NRCAM: variants seen among roughly 807,000 people sequenced by gnomAD.
NRCAM encodes neuronal cell adhesion molecule, also known as NgCAM-related cell adhesion molecule.
A neutral mutation model predicts 156.5 loss-of-function variants in NRCAM; 83 were observed. The ratio of observed to expected loss-of-function variants is 0.53; its 90% CI spans 0.44 to 0.64. The LOEUF is 0.64. Ranked by LOEUF, NRCAM falls within the 30% of genes least tolerant of loss-of-function variation. The pLI is 0.00. For missense variants in NRCAM, 1,417 were observed against 1,597.3 expected (o/e 0.89, Z 1.92); for synonymous variants, 538 against 563.9 (o/e 0.95, Z 0.65).
At chr7:108,291,700 C>T (rs932854360) in intron 3 of NRCAM, among the ~76,000 whole-genome samples, 1 of 151,964 alleles carries the variant, frequency 6.6e-6, no homozygotes, top group South Asian at 2.1e-4. Flanking sequence ...GGAAGAGAGA[C>T]AGAGCGACAG....
chr7:108,368,224 A>ACCCCCTCCCCCCCCCCCCCCCC (rs2099604396), intron 2 of NRCAM, among the ~76,000 whole-genome samples: 1 of 91,058 alleles, frequency 1.1e-5, no homozygotes, highest in Non-Finnish European at 2.2e-5. Flanking sequence ...ACACTTTCAT[A>ACCCCCTCCCCCCCCCCCCCCCC]CCCCCCCCCA....
intron 2 of NRCAM, among the ~76,000 whole-genome samples, chr7:108,365,847 C>T (rs910631610): frequency 3.8e-4 from 58 of 152,066 alleles, no homozygotes; most frequent in African/African-American, 1.4e-3. Flanking sequence ...CCAAATTGTG[C>T]TTTTTATTAT....
intron 1 of NRCAM, among the ~76,000 whole-genome samples, chr7:108,446,726 CTA>C (rs1844641687): frequency 6.2e-5 from 8 of 129,408 alleles, no homozygotes; most frequent in Admixed American, 8.2e-5. Context: ...CATTTACAAC[CTA>C]TGTCTTTTTT....
intron 2 of NRCAM, among the ~76,000 whole-genome samples, chr7:108,319,898 C>T (rs928479684): frequency 1.4e-4 from 21 of 152,130 alleles, no homozygotes; most frequent in Non-Finnish European, 2.9e-4. Flanking sequence ...AGCCTTTTAT[C>T]CTAAGGGCAA....
chr7:108,251,178 C>T (rs576981913), intron 3 of NRCAM, among the ~76,000 whole-genome samples: 51 of 151,670 alleles, frequency 3.4e-4, no homozygotes, highest in African/African-American at 9.0e-4. Flanking sequence ...TTGTACCCTC[C>T]GGAAAGAAAT....
chr7:108,355,738 G>A (rs1226253262), intron 2 of NRCAM, among the ~76,000 whole-genome samples: 1 of 152,036 alleles, frequency 6.6e-6, no homozygotes, highest in Non-Finnish European at 1.5e-5. Flanking sequence ...ATCTATTCTT[G>A]ACATCCAACC....
chr7:108,414,806 C>T (rs1799504261), intron 1 of NRCAM, among the ~76,000 whole-genome samples: 1 of 152,122 alleles, frequency 6.6e-6, no homozygotes, highest in Admixed American at 6.5e-5. Context: ...GGGAAGACTG[C>T]AGGGAGTGTG....
At chr7:108,150,457 C>T (rs13230327) in intron 32 of NRCAM, among the ~76,000 whole-genome samples, 2 of 152,096 alleles carry the variant, frequency 1.3e-5, no homozygotes, top group Admixed American at 1.3e-4. Flanking sequence ...AGAAAGAATT[C>T]AGAAAAGTAG....
At chr7:108,230,725 C>CTT (rs35174617) in intron 8 of NRCAM, among the ~76,000 whole-genome samples, 23 of 147,828 alleles carry the variant, frequency 1.6e-4, no homozygotes, top group Non-Finnish European at 2.2e-4. Context: ...CAAAACTCTG[C>CTT]TTTTTTTTTT....
At chr7:108,267,413 G>A (rs776076935) in intron 3 of NRCAM, among the ~76,000 whole-genome samples, 6 of 152,172 alleles carry the variant, frequency 3.9e-5, no homozygotes, top group Non-Finnish European at 7.3e-5. Context: ...ACACACTTTC[G>A]GTCAGGGTTC....
rs1377553404 is a variant in NRCAM, at chr7:108,182,806, T to C, written c.2419A>G (p.Ile807Val). ...ACAAAGGTTGGCGTGCCTGAGACAA[T>C]ATATTTGGATACATTTGCCACAACC... ...SVVVANVSKY[I>V]VSGTPTFVPY... is the part of the protein sequence containing the mutation. The change falls in exon 23 of 33, where the codon ATT (isoleucine) becomes GTT (valine). Residue 807 changes from isoleucine to valine, a missense_variant. Around this residue, in one of 2 missense-constraint regions of NRCAM, gnomAD observed 1,238 missense variants for 1,336.4 expected, o/e 0.93. Coordinates refer to ENST00000379028, the MANE Select transcript of NRCAM (RefSeq NM_001037132.4). 6.2e-7 allele frequency: 1 copy of C among 1,614,226 alleles called. No individual in the cohort carries two copies. The highest frequency in any genetic ancestry group is 1.7e-5 in the Admixed American group (1 of 60,030).
chr7:108,451,776 G>A (rs1369070002), intron 1 of NRCAM, among the ~76,000 whole-genome samples: 1 of 152,120 alleles, frequency 6.6e-6, no homozygotes, highest in East Asian at 1.9e-4. Flanking sequence ...TAGGATGTTT[G>A]TTGCCAGGGG....
intron 1 of NRCAM, among the ~76,000 whole-genome samples, chr7:108,434,905 A>G (rs1830228851): frequency 6.6e-6 from 1 of 152,204 alleles, no homozygotes; most frequent in Admixed American, 6.5e-5. Context: ...CAACAGCTAC[A>G]AATTTCTCAG....
intron 1 of NRCAM, among the ~76,000 whole-genome samples, chr7:108,422,794 T>C (rs2300045): frequency 0.49 from 74,734 of 151,950 alleles, 18,485 homozygotes; most frequent in African/African-American, 0.52. Flanking sequence ...CCAGAGAAGA[T>C]AATCTGAATA....
chr7:108,276,227 G>C (rs576558209), intron 3 of NRCAM, among the ~76,000 whole-genome samples: 1 of 152,320 alleles, frequency 6.6e-6, no homozygotes, highest in South Asian at 2.1e-4. Flanking sequence ...GGGGTGGAGA[G>C]TTCTGTAGAT....
At chr7:108,445,261 G>C (rs1160467031) in intron 1 of NRCAM, among the ~76,000 whole-genome samples, 1 of 152,184 alleles carries the variant, frequency 6.6e-6, no homozygotes, top group Non-Finnish European at 1.5e-5. Context: ...ACTGCCGACA[G>C]CTTTGCTGAC....
At chr7:108,339,637 G>A (rs1015651475) in intron 2 of NRCAM, among the ~76,000 whole-genome samples, 11 of 152,296 alleles carry the variant, frequency 7.2e-5, no homozygotes, top group African/African-American at 1.9e-4. Context: ...GAAAACAGGC[G>A]CAGGACTGCT....
At chr7:108,300,148 A>G (rs2098558667) in intron 3 of NRCAM, among the ~76,000 whole-genome samples, 1 of 139,584 alleles carries the variant, frequency 7.2e-6, no homozygotes, top group Admixed American at 7.4e-5. Context: ...TCCTTCCCCA[A>G]ATTTCTGTTG....
chr7:108,430,784 G>A (rs1402614003), intron 1 of NRCAM, among the ~76,000 whole-genome samples: 1 of 151,986 alleles, frequency 6.6e-6, no homozygotes. Context: ...CCAAGAGCCA[G>A]GTCAAAAACC....
Sources: allele counts gnomAD v4.1 joint callset (sites outside exome capture counted in the v4.1 genomes callset), GRCh38; gene constraint gnomAD v4.1.1; regional missense constraint gnomAD v4.1.1; transcripts MANE v1.5; gene names NCBI Gene and HGNC (gene_info 2026-07-23, HGNC 2026-07-21).